CLVS1: variants seen among roughly 807,000 people sequenced by gnomAD.
The protein encoded by CLVS1 is clavesin 1, also known as clavesin-1.
Under a neutral mutation model 33.1 loss-of-function variants are expected in CLVS1, and 10 were observed. That is an observed-to-expected ratio of 0.30 (90% CI 0.19 to 0.51). The LOEUF (loss-of-function observed/expected upper bound fraction) is 0.51, where lower values mean the gene tolerates loss of function less well. Among genes scored for constraint, CLVS1 ranks in the 20% least tolerant of loss-of-function variants. The pLI is 0.97. For synonymous variants in CLVS1, 163 were observed against 166.1 expected, an observed-to-expected ratio of 0.98 and a Z score of 0.14; for missense variants, 343 against 433.4, an observed-to-expected ratio of 0.79 and a Z score of 1.85.
At chr8:60,991,323 G>A in the CLVS1 span, among the ~76,000 whole-genome samples, 1 of 152,108 alleles carries the variant, frequency 6.6e-6, no homozygotes, top group East Asian at 1.9e-4. Flanking sequence ...AGGCAGAAAG[G>A]GCACATGTAA....
intron 1 of CLVS1, among the ~76,000 whole-genome samples, chr8:61,090,610 A>G (rs758531920): frequency 1.3e-5 from 2 of 151,944 alleles, no homozygotes; most frequent in Admixed American, 6.5e-5. Context: ...AATGCAATGG[A>G]GTTTGCCTGG....
At chr8:61,270,154 C>T (rs190064320) in intron 2 of CLVS1, among the ~76,000 whole-genome samples, 1,599 of 152,240 alleles carry the variant, frequency 0.011, 26 homozygotes, top group African/African-American at 0.036. Flanking sequence ...GTGGGTTTGT[C>T]GTAGATAGCT....
At chr8:61,434,032 T>C (rs1434513934) in intron 3 of CLVS1, among the ~76,000 whole-genome samples, 1 of 151,828 alleles carries the variant, frequency 6.6e-6, no homozygotes, top group Non-Finnish European at 1.5e-5. Flanking sequence ...TGAAGTCTGG[T>C]AGGATCCTGG....
chr8:61,447,594 AC>A (rs1351866890), intron 3 of CLVS1, among the ~76,000 whole-genome samples: 11 of 151,932 alleles, frequency 7.2e-5, no homozygotes, highest in Non-Finnish European at 1.3e-4. Context: ...TGCATTCATA[AC>A]TTATAGTCTT....
chr8:61,275,416 C>G (rs1183197711), intron 2 of CLVS1, among the ~76,000 whole-genome samples: 1 of 152,156 alleles, frequency 6.6e-6, no homozygotes, highest in African/African-American at 2.4e-5. Context: ...GTTTCACACA[C>G]AGTTTACCTC....
chr8:61,205,545 G>T (rs1384803451), intron 2 of CLVS1, among the ~76,000 whole-genome samples: 1 of 152,188 alleles, frequency 6.6e-6, no homozygotes, highest in Non-Finnish European at 1.5e-5. Flanking sequence ...TGTCTATGCA[G>T]ATAATGCTGC....
At chr8:61,241,373 A>G (rs1295311811) in intron 2 of CLVS1, among the ~76,000 whole-genome samples, 2 of 152,114 alleles carry the variant, frequency 1.3e-5, no homozygotes, top group African/African-American at 2.4e-5. Context: ...CATTTCTGAG[A>G]TAAGTCAAGT....
the CLVS1 span, among the ~76,000 whole-genome samples, chr8:60,991,009 C>T: frequency 6.6e-6 from 1 of 152,188 alleles, no homozygotes; most frequent in African/African-American, 2.4e-5. Flanking sequence ...ACGTGCCCAA[C>T]TAATTAACAG....
intron 2 of CLVS1, among the ~76,000 whole-genome samples, chr8:61,269,976 T>A (rs11986199): frequency 6.7e-6 from 1 of 148,580 alleles, no homozygotes; most frequent in East Asian, 2.0e-4. Context: ...CAATTTGACT[T>A]CCTCTTTTCC....
chr8:61,063,842 T>C (rs766328644), intron 1 of CLVS1, among the ~76,000 whole-genome samples: 8 of 152,194 alleles, frequency 5.3e-5, no homozygotes, highest in Non-Finnish European at 8.8e-5. Flanking sequence ...TTTTTCATTG[T>C]CCCTAGTAGG....
At chr8:61,252,185 A>C (rs1234105741) in intron 2 of CLVS1, among the ~76,000 whole-genome samples, 2 of 152,172 alleles carry the variant, frequency 1.3e-5, no homozygotes, top group African/African-American at 4.8e-5. Context: ...CCCAGTAGTC[A>C]TTCAGGAGCA....
chr8:61,084,573 C>T (rs1805083639), intron 1 of CLVS1, among the ~76,000 whole-genome samples: 1 of 152,142 alleles, frequency 6.6e-6, no homozygotes. Context: ...CCCAAAAGGT[C>T]AATCGTGCCA....
At chr8:61,393,978 C>T (rs1161506655) in intron 3 of CLVS1, among the ~76,000 whole-genome samples, 1 of 152,184 alleles carries the variant, frequency 6.6e-6, no homozygotes, top group African/African-American at 2.4e-5. Flanking sequence ...TTTCTGCATT[C>T]CCACTGGTAC....
chr8:61,035,746 G>A, the CLVS1 span, among the ~76,000 whole-genome samples: 282 of 152,280 alleles, frequency 1.9e-3, 1 homozygote, highest in African/African-American at 6.5e-3. Flanking sequence ...ATGATGATAC[G>A]TTATGTCTTA....
intron 5 of CLVS1, among the ~76,000 whole-genome samples, chr8:61,477,284 G>T (rs550810307): frequency 6.6e-6 from 1 of 152,100 alleles, no homozygotes; most frequent in Non-Finnish European, 1.5e-5. Flanking sequence ...TCTCTGCCAG[G>T]CTTTGGTATC....
Position 61,291,097 on chromosome 8 carries a change from A to G in CLVS1, c.-152+2959A>G, listed in dbSNP as rs16918872. Among the ~76,000 whole-genome samples the G allele has an allele frequency of 0.022, 3,401 of 152,300 alleles. 304 individuals carry two copies. In the East Asian group the frequency reaches 0.28, roughly 13 times the overall value. On this transcript the variant is annotated intron_variant, in intron 1 of 5. Transcript: ENST00000325897. ...TGGCCAAACATCCCCTGCCCCATAAAAAGCTTCCATTTATTGAGATAATAA... is the reference window on the plus strand; with the variant it reads ...TGGCCAAACATCCCCTGCCCCATAAGAAGCTTCCATTTATTGAGATAATAA...
At chr8:61,294,369 C>T (rs968418039) in intron 1 of CLVS1, among the ~76,000 whole-genome samples, 1 of 152,076 alleles carries the variant, frequency 6.6e-6, no homozygotes, top group Non-Finnish European at 1.5e-5. Context: ...ATATCAAAGA[C>T]CTTGGCATCT....
intron 2 of CLVS1, among the ~76,000 whole-genome samples, chr8:61,318,497 A>G (rs924834875): frequency 6.6e-6 from 1 of 152,156 alleles, no homozygotes; most frequent in Non-Finnish European, 1.5e-5. Context: ...CAGATTTTCA[A>G]TCTCAGGACT....
At chr8:61,025,276 A>T in the CLVS1 span, among the ~76,000 whole-genome samples, 1 of 152,220 alleles carries the variant, frequency 6.6e-6, no homozygotes, top group Non-Finnish European at 1.5e-5. Flanking sequence ...GAAATGTAAG[A>T]AAAAAGTTGC....
Sources: gnomAD v4.1 joint callset for allele counts (sites outside exome capture counted in the v4.1 genomes callset) on GRCh38, gnomAD v4.1.1 for gene constraint, MANE v1.5 for transcripts, NCBI Gene and HGNC (gene_info 2026-07-23, HGNC 2026-07-21) for gene names.